Variants in RPS6KA2 observed in about 807,000 individuals in gnomAD.
The protein encoded by RPS6KA2 is ribosomal protein S6 kinase A2, also known as ribosomal protein S6 kinase alpha-2.
RPS6KA2 carries 42 observed loss-of-function variants against 91.8 expected under a neutral mutation model. That is an observed-to-expected ratio of 0.46 (90% CI 0.36 to 0.59). The LOEUF (loss-of-function observed/expected upper bound fraction) is 0.59. Among genes scored for constraint, RPS6KA2 ranks in the 20% least tolerant of loss-of-function variants. The probability of loss-of-function intolerance (pLI) is 0.00; values close to 1 mark genes in which losing one functional copy is unlikely to be tolerated. For missense variants in RPS6KA2, 798 were observed against 978.5 expected (o/e 0.82, Z 2.46); for synonymous variants, 414 against 393.6 (o/e 1.05, Z -0.61).
chr6:166,837,552 C>T (rs1398133463), intron 2 of RPS6KA2, among the ~76,000 whole-genome samples: 1 of 152,232 alleles, frequency 6.6e-6, no homozygotes, highest in African/African-American at 2.4e-5. Flanking sequence ...AGTCCCCTCC[C>T]CCTGCGAGAA....
At chr6:166,465,956 G>T (rs114884072) in intron 11 of RPS6KA2, among the ~76,000 whole-genome samples, 4,354 of 152,286 alleles carry the variant, frequency 0.029, 212 homozygotes, top group African/African-American at 0.099. Flanking sequence ...GGTTCAGGGC[G>T]CTGGGCAGAA....
Position 166,648,158 on chromosome 6 carries a change from ACCCATG to A in RPS6KA2, c.124-109380_124-109375del, listed in dbSNP as rs796271362. Among the ~76,000 whole-genome samples, 11 of 138,180 alleles carry A rather than the reference ACCCATG, an allele frequency of 8.0e-5. No homozygotes were observed. The highest frequency in any genetic ancestry group is 2.2e-4 in the African/African-American group (8 of 36,612). The allele number at this position is 138,180 out of a possible 152,430, so 90.7% of individuals were successfully genotyped here. A position where few individuals can be genotyped will look rare whatever the true frequency, so the allele number is the denominator to read the frequency against. Reference sequence around the variant, plus strand: ...CATGCACACACGCACATGGTTACACACCCATGCACACATGCTCACACACATGCACAC... The same window carrying A: ...CATGCACACACGCACATGGTTACACACACACATGCTCACACACATGCACAC... On this transcript the variant is annotated intron_variant, in intron 2 of 21. Transcript: ENST00000503859. This position sits in a 1 kb window ranked among gnomAD's most constrained non-coding sequence, Gnocchi z 4.8.
At chr6:166,783,364 C>A (rs1778822379) in intron 2 of RPS6KA2, among the ~76,000 whole-genome samples, 1 of 152,038 alleles carries the variant, frequency 6.6e-6, no homozygotes, top group Non-Finnish European at 1.5e-5. Context: ...GAGGAAGGAA[C>A]TCTGTCTTCA....
At chr6:166,798,790 G>A (rs966294314) in intron 2 of RPS6KA2, among the ~76,000 whole-genome samples, 1 of 152,170 alleles carries the variant, frequency 6.6e-6, no homozygotes, top group African/African-American at 2.4e-5. Context: ...ACAGACAGGT[G>A]CATCTTGGAC....
At chr6:166,734,777 T>C (rs1053024270) in intron 2 of RPS6KA2, among the ~76,000 whole-genome samples, 1 of 152,248 alleles carries the variant, frequency 6.6e-6, no homozygotes, top group Non-Finnish European at 1.5e-5. Context: ...TGCCCTGCTT[T>C]ATTTATAAAT....
At chr6:166,649,934 G>T (rs1309950887) in intron 2 of RPS6KA2, among the ~76,000 whole-genome samples, 1 of 152,170 alleles carries the variant, frequency 6.6e-6, no homozygotes, top group Admixed American at 6.5e-5. Context: ...TGCCCAACAT[G>T]ATCTCGATAA....
chr6:166,807,768 C>T (rs994670576), intron 2 of RPS6KA2, among the ~76,000 whole-genome samples: 1 of 152,226 alleles, frequency 6.6e-6, no homozygotes, highest in South Asian at 2.1e-4. Flanking sequence ...CAGGTGGCTG[C>T]AGGGCTCACT....
intron 2 of RPS6KA2, among the ~76,000 whole-genome samples, chr6:166,826,507 C>T (rs749222014): frequency 7.2e-5 from 11 of 152,232 alleles, no homozygotes; most frequent in Non-Finnish European, 1.6e-4. Context: ...GAATCTCCCA[C>T]ACACCTCCTT....
chr6:166,562,889 G>A (rs1784383961), intron 1 of RPS6KA2, among the ~76,000 whole-genome samples: 1 of 152,192 alleles, frequency 6.6e-6, no homozygotes, highest in Non-Finnish European at 1.5e-5. Flanking sequence ...CCAGAAGTTG[G>A]GGGTGCAGGG....
intron 2 of RPS6KA2, among the ~76,000 whole-genome samples, chr6:166,532,848 T>A (rs1417910332): frequency 6.9e-6 from 1 of 145,422 alleles, no homozygotes; most frequent in African/African-American, 2.8e-5. Context: ...AGAGAGAGTG[T>A]GTGTGTGTGT....
intron 8 of RPS6KA2, among the ~76,000 whole-genome samples, chr6:166,498,201 C>G (rs142943795): frequency 6.6e-6 from 1 of 152,228 alleles, no homozygotes; most frequent in Non-Finnish European, 1.5e-5. Flanking sequence ...TACTTTAACT[C>G]GAAAATCATG....
chr6:166,423,684 A>G lies in RPS6KA2; in HGVS notation c.1582-267T>C, dbSNP rs1778811903. ...TGAATATTTGAGTAAATAAGTGAGC[A>G]CCTCTCCAAGTTGAGGCCGCAGCTT... On this transcript the variant is annotated intron_variant, in intron 16 of 20. Transcript: ENST00000265678. This position sits in a 1 kb window ranked among gnomAD's most constrained non-coding sequence, Gnocchi z 4.8. Among the ~76,000 whole-genome samples, 2 of 152,178 alleles carry G rather than the reference A, an allele frequency of 1.3e-5. No individual in the cohort carries two copies. Among genetic ancestry groups the G allele is most frequent in the East Asian group, 3.9e-4 (2 of 5,194 alleles).
chr6:166,690,527 G>A (rs551915955), intron 2 of RPS6KA2, among the ~76,000 whole-genome samples: 41 of 152,324 alleles, frequency 2.7e-4, no homozygotes, highest in South Asian at 1.0e-3. Flanking sequence ...TCTTCAAAGG[G>A]AGAAGAACTC....
chr6:166,841,581 T>C (rs1201217678), intron 2 of RPS6KA2, among the ~76,000 whole-genome samples: 6 of 152,240 alleles, frequency 3.9e-5, no homozygotes, highest in Non-Finnish European at 8.8e-5. Flanking sequence ...AGGTCTGAGA[T>C]GGCAGCTCTG....
At chr6:166,791,036 G>A (rs1011658771) in intron 2 of RPS6KA2, among the ~76,000 whole-genome samples, 2 of 152,130 alleles carry the variant, frequency 1.3e-5, no homozygotes, top group Admixed American at 6.6e-5. Flanking sequence ...ATGTAAATGG[G>A]CTAAATGCTC....
At position 166,451,136 on chromosome 6, in the gene RPS6KA2, A is replaced by G. The variant is rs1358726320; in HGVS notation, c.1173T>C (p.Asp391=). The change falls in exon 13 of 21, where the codon GAT becomes GAC. Residue 391 remains aspartate, a synonymous_variant. Transcript: ENST00000265678. ...SSLIQEPSQQ[D]LHKVPVHPIV... is the part of the protein sequence containing the mutation. ...TTGGGTGAACTGGGACTTTGTGCAGATCTTGCTGTGAGGGCTCCTGGATCA... is the reference window on the plus strand; with the variant it reads ...TTGGGTGAACTGGGACTTTGTGCAGGTCTTGCTGTGAGGGCTCCTGGATCA... 6.2e-7 allele frequency: 1 copy of G among 1,614,076 alleles called. No homozygotes were observed. The highest frequency in any genetic ancestry group is 8.5e-7 in the Non-Finnish European group (1 of 1,179,994).
rs1264158062 is a variant in RPS6KA2 at position 166,434,431 on chromosome 6, G to A, written c.1333-1941C>T. Among the ~76,000 whole-genome samples the A allele has an allele frequency of 6.6e-6, 1 of 152,016 alleles. No homozygotes were observed. The highest frequency in any genetic ancestry group is 1.5e-5 in the Non-Finnish European group (1 of 68,014). ...ATTCTCAAGTAGAGACTTTTAAAACGATCATTCAAGGAGGGGTGGGGGACT... is the reference window on the plus strand; with the variant it reads ...ATTCTCAAGTAGAGACTTTTAAAACAATCATTCAAGGAGGGGTGGGGGACT... On this transcript the variant is annotated intron_variant, in intron 14 of 20. Transcript: ENST00000265678. This position sits in a 1 kb window ranked among gnomAD's most constrained non-coding sequence, Gnocchi z 4.4.
chr6:166,538,476 C>G (rs752379122), intron 2 of RPS6KA2, among the ~76,000 whole-genome samples, 192 bp downstream of exon 2: 8 of 152,146 alleles, frequency 5.3e-5, no homozygotes, highest in Non-Finnish European at 7.3e-5. Flanking sequence ...TTGTTCTCAC[C>G]TGGCACAGCC....
intron 10 of RPS6KA2, among the ~76,000 whole-genome samples, chr6:166,480,520 A>T (rs1018725613): frequency 4.5e-4 from 44 of 97,440 alleles, no homozygotes; most frequent in South Asian, 9.3e-4. Context: ...TATATAATAT[A>T]TTTTTTTTTT....
Sources: gnomAD v4.1 joint callset for allele counts (sites outside exome capture counted in the v4.1 genomes callset) on GRCh38, gnomAD v4.1.1 for gene constraint, Gnocchi (gnomAD v3.1) non-coding constraint, MANE v1.5 for transcripts, NCBI Gene and HGNC (gene_info 2026-07-23, HGNC 2026-07-21) for gene names.